The following LRCH2 variants were observed in gnomAD, a reference collection of about 807,000 sequenced individuals.
The protein encoded by LRCH2 is leucine-rich repeat and calponin homology domain-containing protein 2.
LRCH2 carries 38 observed loss-of-function variants against 68.9 expected under a neutral mutation model. That is an observed-to-expected ratio of 0.55 (90% confidence interval 0.43 to 0.72). The LOEUF is 0.72. LRCH2 is among the 30% of genes least tolerant of loss of function. The probability of loss-of-function intolerance (pLI) is 0.00; values close to 1 mark genes in which losing one functional copy is unlikely to be tolerated. For synonymous variants in LRCH2, 191 were observed against 208.1 expected (o/e 0.92, Z 0.71); for missense variants, 528 against 572.9 (o/e 0.92, Z 0.80).
At chrX:115,190,726 C>T (rs782671829) in intron 1 of LRCH2, 31 of 1,125,413 alleles carry the variant, frequency 2.8e-5, no homozygotes, top group African/African-American at 9.7e-5. Context: ...GTACCGAGGC[C>T]GCTCACACGA....
intron 12 of LRCH2, among the ~76,000 whole-genome samples, chrX:115,153,765 A>G (rs1192761201): frequency 2.7e-5 from 3 of 111,359 alleles, no homozygotes; most frequent in East Asian, 2.8e-4. Flanking sequence ...AACCATTAAC[A>G]TAACAAAAAG....
intron 1 of LRCH2, among the ~76,000 whole-genome samples, chrX:115,202,923 T>C (rs2072940033): frequency 9.0e-6 from 1 of 111,595 alleles, no homozygotes; most frequent in East Asian, 2.8e-4. Context: ...ATGGTGGTAG[T>C]AGAAAGATCA....
At chrX:115,219,191 C>T (rs1556572740) in intron 1 of LRCH2, among the ~76,000 whole-genome samples, 1 of 111,697 alleles carries the variant, frequency 9.0e-6, no homozygotes, top group Non-Finnish European at 1.9e-5. Flanking sequence ...AAACCAAGTG[C>T]AGGCCACTGT....
intron 1 of LRCH2, among the ~76,000 whole-genome samples, chrX:115,212,083 G>A (rs1044487131): frequency 3.6e-5 from 4 of 112,112 alleles, no homozygotes; most frequent in African/African-American, 9.7e-5. Context: ...CTGAAGGGTC[G>A]GATTTTGCCC....
intron 20 of LRCH2, among the ~76,000 whole-genome samples, chrX:115,114,299 C>T (rs2072064978): frequency 9.0e-6 from 1 of 111,118 alleles, no homozygotes; most frequent in African/African-American, 3.3e-5. Flanking sequence ...AAAATTATTG[C>T]CTCATCTCCA....
intron 6 of LRCH2, among the ~76,000 whole-genome samples, chrX:115,169,507 A>T (rs1250228672): frequency 1.8e-5 from 2 of 111,707 alleles, no homozygotes; most frequent in African/African-American, 6.5e-5. Context: ...TCTACTTACA[A>T]AATAAAAATA....
intron 1 of LRCH2, among the ~76,000 whole-genome samples, chrX:115,195,231 C>T (rs2072878601): frequency 9.2e-6 from 1 of 108,850 alleles, no homozygotes; most frequent in East Asian, 2.9e-4. Context: ...TTGCAGTGAG[C>T]CGAGATCGTG....
chrX:115,228,107 A>G (rs2073130658), intron 1 of LRCH2, among the ~76,000 whole-genome samples: 1 of 112,381 alleles, frequency 8.9e-6, no homozygotes, highest in Non-Finnish European at 1.9e-5. Context: ...TGTAAAGATT[A>G]AACATTACAG....
chrX:115,222,996 A>T (rs1395997899), intron 1 of LRCH2, among the ~76,000 whole-genome samples: 1 of 112,262 alleles, frequency 8.9e-6, no homozygotes, highest in Non-Finnish European at 1.9e-5. Flanking sequence ...AATATAGATC[A>T]ATGAAATACA....
intron 12 of LRCH2, among the ~76,000 whole-genome samples, chrX:115,150,568 A>T (rs2072424475): frequency 9.0e-6 from 1 of 111,294 alleles, no homozygotes; most frequent in African/African-American, 3.3e-5. Context: ...TGTTGTTGAG[A>T]TAAGGCAGAC....
At chrX:115,177,765 G>A (rs2072661768) in intron 5 of LRCH2, among the ~76,000 whole-genome samples, 1 of 110,300 alleles carries the variant, frequency 9.1e-6, no homozygotes, top group Non-Finnish European at 1.9e-5. Flanking sequence ...CATGTATTAG[G>A]TATTTGTCCC....
Position 115,165,397 on chromosome X carries a change from G to T in LRCH2, c.1355+8C>A. 9.1e-7 allele frequency: 1 copy of T among 1,104,068 alleles called. No individual in the cohort carries two copies. The highest frequency in any genetic ancestry group is 1.2e-6 in the Non-Finnish European group (1 of 822,106). The allele number at this position is 1,104,068 out of a possible 1,213,427, so 91.0% of individuals were successfully genotyped here. A position where few individuals can be genotyped will look rare whatever the true frequency, so the allele number is the denominator to read the frequency against. On this transcript the variant is annotated splice_region_variant and intron_variant, in intron 10 of 20. Transcript: ENST00000317135. ...TATAAATAACATTTCATTTTCATATGTGCTTACCTTTTTTCATCTCCTAAT... is the reference window on the plus strand; with the variant it reads ...TATAAATAACATTTCATTTTCATATTTGCTTACCTTTTTTCATCTCCTAAT...
intron 6 of LRCH2, among the ~76,000 whole-genome samples, chrX:115,168,118 C>T (rs149473669): frequency 2.5e-3 from 284 of 111,699 alleles, no homozygotes; most frequent in African/African-American, 8.4e-3. Flanking sequence ...GGCTTCAAAG[C>T]CATATTATGT....
At chrX:115,137,982 G>C (rs973450587) in intron 14 of LRCH2, among the ~76,000 whole-genome samples, 19 of 111,083 alleles carry the variant, frequency 1.7e-4, no homozygotes, top group African/African-American at 5.9e-4. Context: ...AGCCCTAAAA[G>C]AGAGCAAAGA....
intron 1 of LRCH2, chrX:115,190,088 T>G (rs782684085): frequency 3.5e-6 from 4 of 1,154,221 alleles, no homozygotes; most frequent in Non-Finnish European, 4.6e-6. Flanking sequence ...CTGGCTCGCA[T>G]TGGCGGCAGT....
intron 14 of LRCH2, among the ~76,000 whole-genome samples, chrX:115,138,173 C>A (rs1418500115): frequency 1.9e-5 from 2 of 107,451 alleles, no homozygotes; most frequent in Non-Finnish European, 3.8e-5. Flanking sequence ...TCTCACAAAG[C>A]AAGCCATACA....
chrX:115,122,410 G>A (rs1332396479), intron 20 of LRCH2, 117 bp downstream of exon 20: 26 of 544,228 alleles, frequency 4.8e-5, no homozygotes, highest in Non-Finnish European at 7.5e-5. Context: ...AAGGTACCAA[G>A]AGAAGGCATT....
At chrX:115,193,856 GTAAC>G (rs782758651) in intron 1 of LRCH2, among the ~76,000 whole-genome samples, 175 of 111,275 alleles carry the variant, frequency 1.6e-3, no homozygotes, top group African/African-American at 5.5e-3. Flanking sequence ...AACTACCTGA[GTAAC>G]TATCAAGTTA....
chrX:115,120,341 C>A lies in LRCH2; in HGVS notation c.2178+2186G>T, dbSNP rs1458599809. 3.8e-5 allele frequency among the ~76,000 whole-genome samples: 3 copies of A among 78,831 alleles called. No individual in the cohort carries two copies. In the South Asian group the frequency reaches 2.4e-3, roughly 62 times the overall value. The allele number at this position is 78,831 out of a possible 115,157, so 68.5% of individuals were successfully genotyped here. On this transcript the variant is annotated intron_variant, in intron 20 of 20. Coordinates refer to ENST00000317135, the MANE Select transcript of LRCH2 (RefSeq NM_020871.4). ...ATTTACAAGAAAAAAACAAACAACC[C>A]CATCAAAAAGTGGGCGAAGGACATG...
Sources: gnomAD v4.1 joint callset for allele counts (sites outside exome capture counted in the v4.1 genomes callset) on GRCh38, gnomAD v4.1.1 for gene constraint, MANE v1.5 for transcripts, NCBI Gene and HGNC (gene_info 2026-07-23, HGNC 2026-07-21) for gene names.